The following VIPR2 variants were observed in gnomAD, a reference collection of about 807,000 sequenced individuals.
VIPR2 encodes the protein vasoactive intestinal peptide receptor 2.
In VIPR2, 48 loss-of-function variants were observed where a neutral mutation model predicts 58.0. That is an observed-to-expected ratio of 0.83 (90% CI 0.66 to 1.05). The LOEUF is 1.05. Among genes scored for constraint, VIPR2 ranks in the 50% least tolerant of loss-of-function variants. The pLI is 0.00. For synonymous variants in VIPR2, 243 were observed against 235.2 expected (o/e 1.03, Z -0.30); for missense variants, 534 against 558.0 (o/e 0.96, Z 0.43).
At chr7:159,092,935 C>A (rs1585472086) in intron 4 of VIPR2, among the ~76,000 whole-genome samples, 1 of 152,172 alleles carries the variant, frequency 6.6e-6, no homozygotes, top group Non-Finnish European at 1.5e-5. Context: ...TCTCAAGACT[C>A]AGGCCTTGGG....
intron 4 of VIPR2, among the ~76,000 whole-genome samples, chr7:159,066,130 C>T (rs1035477143): frequency 1.3e-5 from 2 of 151,602 alleles, no homozygotes; most frequent in Admixed American, 6.6e-5. Flanking sequence ...CCTGATCCCA[C>T]GTTGTCCATG....
chr7:159,119,527 C>T (rs529120952), intron 2 of VIPR2, among the ~76,000 whole-genome samples: 1 of 152,316 alleles, frequency 6.6e-6, no homozygotes, highest in East Asian at 1.9e-4. Context: ...GGCAGCGGTG[C>T]GAGGCAGAGG....
chr7:159,036,096 A>C, intron 7 of VIPR2, 84 bp from the exon 8 acceptor site: 2 of 1,464,536 alleles, frequency 1.4e-6, no homozygotes, highest in Non-Finnish European at 1.8e-6. Context: ...AAAACCCTCA[A>C]GGACACGCTT....
At chr7:159,053,380 C>T (rs562600987) in intron 5 of VIPR2, among the ~76,000 whole-genome samples, 25 of 152,078 alleles carry the variant, frequency 1.6e-4, no homozygotes, top group African/African-American at 3.9e-4. Flanking sequence ...GACTTCCACT[C>T]GGAAAATCAT....
intron 4 of VIPR2, among the ~76,000 whole-genome samples, chr7:159,061,495 G>T (rs965886998): frequency 2.6e-5 from 4 of 151,714 alleles, no homozygotes; most frequent in Admixed American, 6.6e-5. Context: ...AAAAAAAATG[G>T]AAAAATAATT....
Position 159,036,742 on chromosome 7 carries a change from G to A in VIPR2, c.748+10C>T. Reference sequence around the variant, plus strand: ...ATGGAGGGTTTGTGGGTGGGAAGGGGCACACTTACCCCATCCGATCAGGAG... The same window carrying A: ...ATGGAGGGTTTGTGGGTGGGAAGGGACACACTTACCCCATCCGATCAGGAG... On this transcript the variant is annotated intron_variant, in intron 7 of 12. Coordinates refer to ENST00000262178, the MANE Select transcript of VIPR2 (RefSeq NM_003382.5). 2 of 1,607,938 alleles carry A rather than the reference G, an allele frequency of 1.2e-6. No individual in the cohort carries two copies. The highest frequency in any genetic ancestry group is 1.7e-6 in the Non-Finnish European group (2 of 1,176,030).
intron 4 of VIPR2, among the ~76,000 whole-genome samples, chr7:159,094,087 T>C (rs1233064669): frequency 4.6e-5 from 7 of 152,122 alleles, no homozygotes; most frequent in Admixed American, 4.6e-4. Context: ...AGAGGAGAGA[T>C]GCAGAGGAGG....
intron 2 of VIPR2, among the ~76,000 whole-genome samples, chr7:159,137,023 G>A (rs942318004): frequency 7.2e-5 from 11 of 152,074 alleles, no homozygotes; most frequent in African/African-American, 1.4e-4. Flanking sequence ...AGAGGCCATC[G>A]ACTGGTGGGA....
chr7:159,031,453 A>T lies in VIPR2; in HGVS notation c.1143+375T>A. ...CCCAGGGACTCACAGGACGCTGTGC[A>T]GCCCCACCCCCCAACCCAGGCCCGG... On this transcript the variant is annotated intron_variant, in intron 12 of 12. Transcript: ENST00000262178. The surrounding 1 kb of genome is among the most constrained non-coding windows in gnomAD (Gnocchi z 4.0). The T allele has an allele frequency of 1.0e-6, 1 of 985,362 alleles. No homozygotes were observed. The highest frequency in any genetic ancestry group is 1.2e-6 in the Non-Finnish European group (1 of 829,890). The allele number at this position is 985,362 out of a possible 1,614,324, so 61.0% of individuals were successfully genotyped here. A position where few individuals can be genotyped will look rare whatever the true frequency, so the allele number is the denominator to read the frequency against.
intron 10 of VIPR2, among the ~76,000 whole-genome samples, chr7:159,033,444 A>G (rs1273090809): frequency 6.6e-6 from 1 of 152,216 alleles, no homozygotes; most frequent in East Asian, 1.9e-4. Flanking sequence ...TTCCACACCA[A>G]GCCAGTGTTT....
intron 4 of VIPR2, among the ~76,000 whole-genome samples, chr7:159,080,783 A>G (rs1856862515): frequency 1.3e-5 from 2 of 152,274 alleles, no homozygotes; most frequent in Middle Eastern, 6.8e-3. Context: ...AGGATACAAA[A>G]TCAATGTGCA....
At chr7:159,141,420 A>C (rs1797460780) in intron 2 of VIPR2, among the ~76,000 whole-genome samples, 1 of 152,248 alleles carries the variant, frequency 6.6e-6, no homozygotes. Flanking sequence ...GGGCAGGGAC[A>C]CCTGTTTTAG....
intron 2 of VIPR2, among the ~76,000 whole-genome samples, chr7:159,130,676 G>A (rs1796873443): frequency 6.6e-6 from 1 of 152,240 alleles, no homozygotes; most frequent in South Asian, 2.1e-4. Flanking sequence ...GGTGATTTGA[G>A]TAACAACTCG....
intron 5 of VIPR2, among the ~76,000 whole-genome samples, chr7:159,045,552 C>T (rs947830863): frequency 1.3e-5 from 2 of 152,184 alleles, no homozygotes; most frequent in Non-Finnish European, 2.9e-5. Context: ...TGGACCCCTA[C>T]CTCACAGCAT....
chr7:159,109,873 A>G lies in VIPR2; in HGVS notation c.198T>C (p.Asn66=), dbSNP rs1312108455. 2 of 1,614,138 alleles carry G rather than the reference A, an allele frequency of 1.2e-6. No homozygotes were observed. The highest frequency in any genetic ancestry group is 2.2e-5 in the South Asian group (2 of 91,086). Residue 66 remains asparagine (N), a synonymous_variant, in exon 3 of 13, where the codon AAT becomes AAC. Transcript: ENST00000262178. ...WDNITCWRPA[N]VGETVTVPCP... ...AGGGCACCGTGACGGTCTCTCCCAC[A>G]TTGGCAGGCCGCCAGCACGTGATGT...
intron 4 of VIPR2, among the ~76,000 whole-genome samples, chr7:159,070,708 A>C: frequency 6.6e-6 from 1 of 152,220 alleles, no homozygotes; most frequent in East Asian, 1.9e-4. Context: ...TATGAATTAA[A>C]ATTTGTGTTT....
chr7:159,105,523 C>CAG (rs1450877454), intron 3 of VIPR2, among the ~76,000 whole-genome samples: 5 of 152,120 alleles, frequency 3.3e-5, no homozygotes, highest in Non-Finnish European at 7.3e-5. Flanking sequence ...TGATGAGAGG[C>CAG]AGAGAGAGGG....
In VIPR2 at chr7:159,096,238, C is replaced by T. The variant is rs1857834226; in HGVS notation, c.357+7519G>A. On this transcript the variant is annotated intron_variant, in intron 4 of 12. Coordinates refer to ENST00000262178, the MANE Select transcript of VIPR2 (RefSeq NM_003382.5). The surrounding 1 kb of genome is among the most constrained non-coding windows in gnomAD (Gnocchi z 5.5). ...TCCATCGAGGCCCGGAGAGTTTCAA[C>T]CCCTGCCTGGGGCCACACACTCCTT... Among the ~76,000 whole-genome samples, 1 of 152,246 alleles carries T rather than the reference C, an allele frequency of 6.6e-6. No individual in the cohort carries two copies. Among genetic ancestry groups the T allele is most frequent in the African/African-American group, 2.4e-5 (1 of 41,472 alleles).
Position 159,081,389 on chromosome 7 carries a change from T to C in VIPR2, c.357+22368A>G, listed in dbSNP as rs1585437202. Among the ~76,000 whole-genome samples the C allele has an allele frequency of 5.9e-5, 9 of 152,336 alleles. No homozygotes were observed. In the South Asian group the frequency reaches 1.4e-3, roughly 25 times the overall value. ...GGGAAAGGATTCCCTATTTAATAAA[T>C]GGTGCTGGGAAAACTGGCTAGCCAT... On this transcript the variant is annotated intron_variant, in intron 4 of 12. Transcript: ENST00000262178.
Sources: allele counts gnomAD v4.1 joint callset (sites outside exome capture counted in the v4.1 genomes callset), GRCh38; gene constraint gnomAD v4.1.1; non-coding constraint Gnocchi (gnomAD v3.1); transcripts MANE v1.5; gene names NCBI Gene and HGNC (gene_info 2026-07-23, HGNC 2026-07-21).